Variants in KATNAL1 observed in about 807,000 individuals in gnomAD.
KATNAL1 encodes katanin p60 ATPase-containing subunit A-like 1.
Under a neutral mutation model 55.2 loss-of-function variants are expected in KATNAL1, and 32 were observed. That is an observed-to-expected ratio of 0.58 (90% confidence interval 0.44 to 0.78). The LOEUF (loss-of-function observed/expected upper bound fraction) is 0.78, where lower values mean the gene tolerates loss of function less well. Ranked by LOEUF, KATNAL1 falls within the 30% of genes least tolerant of loss-of-function variation. KATNAL1 has a pLI of 0.00. For missense variants in KATNAL1, 466 were observed against 600.9 expected (o/e 0.78, Z 2.35); for synonymous variants, 193 against 193.6 (o/e 1.00, Z 0.02).
At chr13:30,241,267 G>A (rs1218128206) in intron 4 of KATNAL1, among the ~76,000 whole-genome samples, 181 bp from the exon 5 acceptor site, 1 of 152,014 alleles carries the variant, frequency 6.6e-6, no homozygotes, top group Non-Finnish European at 1.5e-5. Context: ...TACATGAACT[G>A]GTCAACTTTA....
chr13:30,251,501 G>T (rs1295392554), intron 4 of KATNAL1, among the ~76,000 whole-genome samples: 4 of 152,146 alleles, frequency 2.6e-5, no homozygotes, highest in African/African-American at 9.7e-5. Context: ...AAGGGAGCCT[G>T]TTGGCCCCTT....
At chr13:30,249,767 G>A (rs1402244173) in intron 4 of KATNAL1, among the ~76,000 whole-genome samples, 1 of 152,146 alleles carries the variant, frequency 6.6e-6, no homozygotes, top group Non-Finnish European at 1.5e-5. Flanking sequence ...CTTCTGAGGT[G>A]CCAAATGTTC....
intron 1 of KATNAL1, among the ~76,000 whole-genome samples, chr13:30,284,119 C>G (rs772188297): frequency 6.6e-6 from 1 of 152,124 alleles, no homozygotes; most frequent in East Asian, 1.9e-4. Flanking sequence ...CTAAGCCTCC[C>G]AAAGTGCTGG....
chr13:30,276,845 GCTA>G (rs1327797189), intron 3 of KATNAL1, among the ~76,000 whole-genome samples: 4 of 152,146 alleles, frequency 2.6e-5, no homozygotes, highest in South Asian at 2.1e-4. Flanking sequence ...TCCTGGCTCT[GCTA>G]CTTTCTTGTT....
At chr13:30,263,913 G>A (rs1435144640) in intron 3 of KATNAL1, among the ~76,000 whole-genome samples, 55 of 149,864 alleles carry the variant, frequency 3.7e-4, no homozygotes, top group African/African-American at 1.2e-3. Context: ...AGCCCACATC[G>A]CAAAGTCAAT....
chr13:30,296,664 TG>T (rs2137564282), intron 1 of KATNAL1: 1 of 666,398 alleles, frequency 1.5e-6, no homozygotes, highest in Non-Finnish European at 2.9e-6. Context: ...TCCTGCTGGC[TG>T]GAAGCTTGGC....
In KATNAL1 at chr13:30,210,387, A is replaced by T. The variant is rs758325851; in HGVS notation, c.1203T>A (p.Pro401=). 4 of 1,608,314 alleles carry T rather than the reference A, an allele frequency of 2.5e-6. No homozygotes were observed. The South Asian group carries it at 4.4e-5, about 18-fold the overall frequency. ...KINLREVELD[P]DIQLEDIAEK... Reference sequence around the variant, plus strand: ...CGGCTATATCTTCCAGTTGAATATCAGGATCTAATTCGACCTCACGAAGGT... The same window carrying T: ...CGGCTATATCTTCCAGTTGAATATCTGGATCTAATTCGACCTCACGAAGGT... Residue 401 remains proline, a synonymous_variant, in exon 10 of 11, where the codon CCT becomes CCA. Coordinates refer to ENST00000380615, the MANE Select transcript of KATNAL1 (RefSeq NM_032116.5).
At chr13:30,292,694 GTCTT>G (rs1037633660) in intron 1 of KATNAL1, among the ~76,000 whole-genome samples, 1 of 151,498 alleles carries the variant, frequency 6.6e-6, no homozygotes, top group Non-Finnish European at 1.5e-5. Flanking sequence ...TGTATCACAT[GTCTT>G]TCTCTTTCTT....
chr13:30,283,293 G>GAAAAAAAAAA (rs1593945549), intron 2 of KATNAL1, among the ~76,000 whole-genome samples: 1 of 55,894 alleles, frequency 1.8e-5, no homozygotes, highest in African/African-American at 7.2e-5. Flanking sequence ...AAAAAAAAAG[G>GAAAAAAAAAA]AATGAATGAA....
At chr13:30,236,925 TAAC>T in intron 6 of KATNAL1, among the ~76,000 whole-genome samples, 1 of 152,236 alleles carries the variant, frequency 6.6e-6, no homozygotes, top group Non-Finnish European at 1.5e-5. Flanking sequence ...TCTGCCTGTT[TAAC>T]TTCTATTCAT....
chr13:30,211,419 T>C (rs1873676489), intron 9 of KATNAL1, among the ~76,000 whole-genome samples: 1 of 152,220 alleles, frequency 6.6e-6, no homozygotes, highest in Non-Finnish European at 1.5e-5. Context: ...AGACATAGCA[T>C]TTCTCACCCT....
intron 3 of KATNAL1, among the ~76,000 whole-genome samples, chr13:30,279,861 T>A (rs1881142646): frequency 6.6e-6 from 1 of 152,224 alleles, no homozygotes. Flanking sequence ...AATAAAGCAT[T>A]CTAAAAGCAA....
At chr13:30,303,670 T>C (rs1383127410) in intron 1 of KATNAL1, among the ~76,000 whole-genome samples, 1 of 152,246 alleles carries the variant, frequency 6.6e-6, no homozygotes, top group Non-Finnish European at 1.5e-5. Flanking sequence ...AGTCCAGACA[T>C]TAAATACTGT....
chr13:30,256,453 C>G (rs563336015), intron 3 of KATNAL1, among the ~76,000 whole-genome samples: 5 of 152,044 alleles, frequency 3.3e-5, no homozygotes, highest in African/African-American at 9.7e-5. Flanking sequence ...GTTTTCCTAC[C>G]TTTTCTCTTT....
rs34617448 is a variant in KATNAL1, at chr13:30,205,637, AG to A, written c.*2902del. ...GAGTGTGTGTGTGTGTGTGTATGTGAGTGTGAGTGTGTGTGTGATGTACATT... is the reference window on the plus strand; with the variant it reads ...GAGTGTGTGTGTGTGTGTGTATGTGATGTGAGTGTGTGTGTGATGTACATT... On this transcript the variant is annotated 3_prime_UTR_variant, in exon 11 of 11. Coordinates refer to ENST00000380615, the MANE Select transcript of KATNAL1 (RefSeq NM_032116.5). 0.37 allele frequency: 38,145 copies of A among 102,962 alleles called. 4,919 individuals carry two copies. The highest frequency in any genetic ancestry group is 0.5 in the African/African-American group (14,399 of 28,944). 6.4% of individuals were successfully genotyped at this position (102,962 alleles called of 1,614,324 possible).
At chr13:30,268,072 A>T (rs1879919971) in intron 3 of KATNAL1, among the ~76,000 whole-genome samples, 1 of 152,216 alleles carries the variant, frequency 6.6e-6, no homozygotes, top group Non-Finnish European at 1.5e-5. Flanking sequence ...CCCCCTAGAT[A>T]TAGTAGCAAA....
At chr13:30,260,738 A>G (rs9670323) in intron 3 of KATNAL1, among the ~76,000 whole-genome samples, 3,578 of 129,900 alleles carry the variant, frequency 0.028, 142 homozygotes, top group Middle Eastern at 0.053. Context: ...CCAAATCTAC[A>G]TCTGATTTGT....
At chr13:30,296,893 T>C (rs1262764580) in intron 1 of KATNAL1, among the ~76,000 whole-genome samples, 1 of 151,762 alleles carries the variant, frequency 6.6e-6, no homozygotes, top group Non-Finnish European at 1.5e-5. Context: ...GCCAAGGCCT[T>C]CTCATGCCTC....
intron 3 of KATNAL1, among the ~76,000 whole-genome samples, chr13:30,275,525 TAGAA>T (rs1192959645): frequency 6.6e-6 from 1 of 151,994 alleles, no homozygotes; most frequent in Non-Finnish European, 1.5e-5. Context: ...GTCAAACTCA[TAGAA>T]AGAGAGTAGA....
Sources: allele counts gnomAD v4.1 joint callset (sites outside exome capture counted in the v4.1 genomes callset), GRCh38; gene constraint gnomAD v4.1.1; transcripts MANE v1.5; gene names NCBI Gene and HGNC (gene_info 2026-07-23, HGNC 2026-07-21).